GATA6: variants seen among roughly 807,000 people sequenced by gnomAD.
GATA6 encodes the protein GATA binding protein 6.
A neutral mutation model predicts 48.1 loss-of-function variants in GATA6; 11 were observed. The ratio of observed to expected loss-of-function variants is 0.23; its 90% CI spans 0.14 to 0.38. GATA6 has a LOEUF of 0.38. Among genes scored for constraint, GATA6 ranks in the 10% least tolerant of loss-of-function variants. The pLI, the probability that GATA6 is intolerant of heterozygous loss-of-function variation, is 1.00. For synonymous variants in GATA6, 419 were observed against 396.1 expected, an observed-to-expected ratio of 1.06 and a Z score of -0.69; for missense variants, 795 against 850.3, an observed-to-expected ratio of 0.93 and a Z score of 0.81.
Position 22,183,020 on chromosome 18 carries a change from A to G in GATA6, c.1597A>G (p.Thr533Ala). The G allele has an allele frequency of 3.7e-6, 6 of 1,613,574 alleles. No individual in the cohort carries two copies. The highest frequency in any genetic ancestry group is 5.1e-6 in the Non-Finnish European group (6 of 1,179,514). The change falls in exon 6 of 7, where the codon ACA becomes GCA. Residue 533 changes from threonine to alanine, a missense_variant. Thr to Ala is a moderately conservative substitution (Grantham distance 58). Transcript: ENST00000269216. ...SDDCSKNTSP[T>A]TQPTASGAGA... ...TGATTGCAGCAAAAATACTTCCCCC[A>G]CAACACAACCTACAGCCTCAGGGGT...
At chr18:22,183,092 G>C (rs910584101) in intron 6 of GATA6, 49 bp downstream of exon 6, 1 of 1,403,734 alleles carries the variant, frequency 7.1e-7, no homozygotes, top group Non-Finnish European at 1.0e-6. Context: ...CTGCTCTCTA[G>C]TAAATTATCT....
Position 22,171,744 on chromosome 18 carries a change from C to T in GATA6, c.600C>T (p.Gly200=). Residue 200 remains glycine (G), a synonymous_variant, in exon 2 of 7, where the codon GGC becomes GGT. Coordinates refer to ENST00000269216, the MANE Select transcript of GATA6 (RefSeq NM_005257.6). This position sits in a 1 kb window ranked among gnomAD's most constrained non-coding sequence, Gnocchi z 7.1. The part of the protein sequence containing the change: ...PTTRVGSMLP[G]LPYHLQGSGS... ...CCCGCGTGGGTTCCATGCTGCCCGG[C>T]CTACCGTACCACCTGCAGGGGTCGG... 3 of 1,461,136 alleles carry T rather than the reference C, an allele frequency of 2.1e-6. No individual in the cohort carries two copies. Among genetic ancestry groups the T allele is most frequent in the Non-Finnish European group, 2.7e-6 (3 of 1,116,758 alleles). 90.5% of individuals were successfully genotyped at this position (1,461,136 alleles called of 1,614,324 possible).
intron 6 of GATA6, among the ~76,000 whole-genome samples, chr18:22,193,493 T>C (rs1435705624): frequency 6.6e-6 from 1 of 152,160 alleles, no homozygotes; most frequent in East Asian, 1.9e-4. Context: ...GAGTCTAACC[T>C]AGAGGTTACA....
Position 22,172,250 on chromosome 18 carries a change from C to G in GATA6, c.1106C>G (p.Pro369Arg), listed in dbSNP as rs1336387938. 2.6e-6 allele frequency: 4 copies of G among 1,533,664 alleles called. No individual in the cohort carries two copies. The highest frequency in any genetic ancestry group is 3.5e-6 in the Non-Finnish European group (4 of 1,146,174). Residue 369 changes from proline to arginine, a missense_variant, in exon 2 of 7, where the codon CCG becomes CGG. Pro to Arg is a moderately radical substitution (Grantham distance 103). Coordinates refer to ENST00000269216, the MANE Select transcript of GATA6 (RefSeq NM_005257.6). The surrounding 1 kb of genome is among the most constrained non-coding windows in gnomAD (Gnocchi z 5.2). Reference sequence around the variant, plus strand: ...AGCCTGCAGAGCCGCGCCGGAGCCCCGCTCCCGGTGCCCCGGGGTCCCAGT... The same window carrying G: ...AGCCTGCAGAGCCGCGCCGGAGCCCGGCTCCCGGTGCCCCGGGGTCCCAGT... Reference protein sequence around the residue: ...LHSLQSRAGAPLPVPRGPSAD... With the variant: ...LHSLQSRAGARLPVPRGPSAD...
chr18:22,176,919 GC>G (rs766496837), intron 2 of GATA6, 35 bp from the exon 3 acceptor site: 1 of 1,522,414 alleles, frequency 6.6e-7, no homozygotes, highest in Non-Finnish European at 8.8e-7. Flanking sequence ...GGTCCGGCGC[GC>G]CCACTCCCGC....
At chr18:22,189,449 T>A (rs1290079259) in intron 6 of GATA6, among the ~76,000 whole-genome samples, 4 of 152,184 alleles carry the variant, frequency 2.6e-5, no homozygotes. Context: ...ATTAGCAGAT[T>A]TACACTCCAC....
chr18:22,174,536 T>G (rs2033097301), intron 2 of GATA6, among the ~76,000 whole-genome samples: 1 of 152,134 alleles, frequency 6.6e-6, no homozygotes, highest in Admixed American at 6.5e-5. Flanking sequence ...TAAGTATTTT[T>G]TTAAGTATGT....
rs1233191298 is a variant in GATA6, at chr18:22,170,905, G to A, written c.-37-203G>A. 1 of 579,694 alleles carries A rather than the reference G, an allele frequency of 1.7e-6. No individual in the cohort carries two copies. The highest frequency in any genetic ancestry group is 2.1e-5 in the South Asian group (1 of 47,684). 35.9% of individuals were successfully genotyped at this position (579,694 alleles called of 1,614,324 possible). A position where few individuals can be genotyped will look rare whatever the true frequency, so the allele number is the denominator to read the frequency against. ...CCCAGCCCTTCCAGGGCCCTGTGGC[G>A]GCTGCGCAGGCTCCCTTCCCCTCCC... On this transcript the variant is annotated intron_variant, in intron 1 of 6. Coordinates refer to ENST00000269216, the MANE Select transcript of GATA6 (RefSeq NM_005257.6). The surrounding 1 kb of genome is among the most constrained non-coding windows in gnomAD (Gnocchi z 6.7).
intron 6 of GATA6, among the ~76,000 whole-genome samples, chr18:22,191,817 G>T (rs1187619017): frequency 6.6e-6 from 1 of 152,172 alleles, no homozygotes; most frequent in Admixed American, 6.5e-5. Context: ...TTTTAAGAAT[G>T]ATTTGGACAA....
rs1299769614 is a variant in GATA6, at chr18:22,171,689, C to G, written c.545C>G (p.Ala182Gly). The G allele has an allele frequency of 4.7e-6, 7 of 1,497,176 alleles. No homozygotes were observed. The South Asian group carries it at 7.5e-5, about 16-fold the overall frequency. The allele number at this position is 1,497,176 out of a possible 1,614,324, so 92.7% of individuals were successfully genotyped here. Residue 182 changes from alanine (A) to glycine (G), a missense_variant, in exon 2 of 7, where the codon GCG (alanine) becomes GGG (glycine). Physicochemically the swap from Ala to Gly is moderately conservative, Grantham distance 60. This residue lies in a region of GATA6 where 591 missense variants were observed against 570.0 expected (regional missense o/e 1.04). Coordinates refer to ENST00000269216, the MANE Select transcript of GATA6 (RefSeq NM_005257.6). This position sits in a 1 kb window ranked among gnomAD's most constrained non-coding sequence, Gnocchi z 7.1. The stretch of plus-strand genomic sequence containing the variant: ...GCCGCGGCGGCAGCAGCCGCGGCGG[C>G]GGCCAGCTCCCCGGTCTACGTGCCC... ...SAAAAAAAAAAASSPVYVPTT... is the reference protein window; with the variant it reads ...SAAAAAAAAAGASSPVYVPTT...
intron 6 of GATA6, among the ~76,000 whole-genome samples, chr18:22,197,023 A>G (rs1047326565): frequency 6.6e-6 from 1 of 151,920 alleles, no homozygotes; most frequent in African/African-American, 2.4e-5. Flanking sequence ...TTATACTGAC[A>G]TAATCTTTAC....
intron 6 of GATA6, among the ~76,000 whole-genome samples, chr18:22,191,607 A>G (rs781514622): frequency 3.3e-5 from 5 of 152,170 alleles, no homozygotes; most frequent in Non-Finnish European, 7.3e-5. Context: ...ATTAAGTACA[A>G]TCTGTTAGTT....
At position 22,172,364 on chromosome 18, in the gene GATA6, C is replaced by T. The variant is rs1299098538; in HGVS notation, c.1135+85C>T. The T allele has an allele frequency of 7.4e-6, 11 of 1,487,920 alleles. No homozygotes were observed. The highest frequency in any genetic ancestry group is 9.8e-6 in the Non-Finnish European group (11 of 1,119,702). 92.2% of individuals were successfully genotyped at this position (1,487,920 alleles called of 1,614,324 possible). A position where few individuals can be genotyped will look rare whatever the true frequency, so the allele number is the denominator to read the frequency against. ...GTGGAGCAGCTGCTCCACTCGGGCCCTGTTTTCAGGACTTTCTCGTCCGGG... is the reference window on the plus strand; with the variant it reads ...GTGGAGCAGCTGCTCCACTCGGGCCTTGTTTTCAGGACTTTCTCGTCCGGG... On this transcript the variant is annotated intron_variant, in intron 2 of 6. Transcript: ENST00000269216. This position sits in a 1 kb window ranked among gnomAD's most constrained non-coding sequence, Gnocchi z 5.2.
intron 6 of GATA6, among the ~76,000 whole-genome samples, chr18:22,189,815 G>A (rs1222877241): frequency 6.6e-6 from 1 of 152,212 alleles, no homozygotes; most frequent in Non-Finnish European, 1.5e-5. Flanking sequence ...TGAACATAGG[G>A]AGGCAGGAAA....
At chr18:22,183,810 C>G (rs2033227836) in intron 6 of GATA6, among the ~76,000 whole-genome samples, 1 of 152,212 alleles carries the variant, frequency 6.6e-6, no homozygotes, top group African/African-American at 2.4e-5. Flanking sequence ...CTAAAAAATA[C>G]TGGGCCTTCC....
chr18:22,193,612 G>A (rs1312425134), intron 6 of GATA6, among the ~76,000 whole-genome samples: 4 of 152,150 alleles, frequency 2.6e-5, no homozygotes, highest in Admixed American at 6.5e-5. Flanking sequence ...ATCAGAGGCT[G>A]GGGGAGCCGA....
chr18:22,196,188 A>G (rs1420329741), intron 6 of GATA6, among the ~76,000 whole-genome samples: 1 of 152,198 alleles, frequency 6.6e-6, no homozygotes, highest in African/African-American at 2.4e-5. Context: ...GGGCACAAAT[A>G]CTTGCCCCAT....
intron 6 of GATA6, among the ~76,000 whole-genome samples, chr18:22,199,196 G>A (rs201837373): frequency 4.6e-5 from 7 of 152,168 alleles, no homozygotes; most frequent in East Asian, 1.9e-4. Context: ...CTTGCAGGCC[G>A]TGGAGGCTCG....
Position 22,172,067 on chromosome 18 carries a change from C to T in GATA6, c.923C>T (p.Pro308Leu). 7.0e-7 allele frequency: 1 copy of T among 1,437,398 alleles called. No individual in the cohort carries two copies. Among genetic ancestry groups the T allele is most frequent in the Non-Finnish European group, 9.1e-7 (1 of 1,101,634 alleles). 89.0% of individuals were successfully genotyped at this position (1,437,398 alleles called of 1,614,324 possible). ...SSLAAMGGRE[P>L]QYSSLSAARP... ...CTGGCGGCCATGGGCGGCCGCGAGC[C>T]CCAGTACAGCTCGCTGTCGGCCGCG... Residue 308 changes from proline (P) to leucine (L), a missense_variant, in exon 2 of 7, where the codon CCC becomes CTC. Coordinates refer to ENST00000269216, the MANE Select transcript of GATA6 (RefSeq NM_005257.6). The surrounding 1 kb of genome is among the most constrained non-coding windows in gnomAD (Gnocchi z 5.2).
Sources: allele counts gnomAD v4.1 joint callset (sites outside exome capture counted in the v4.1 genomes callset), GRCh38; gene constraint gnomAD v4.1.1; regional missense constraint gnomAD v4.1.1; non-coding constraint Gnocchi (gnomAD v3.1); transcripts MANE v1.5; gene names NCBI Gene and HGNC (gene_info 2026-07-23, HGNC 2026-07-21).